The following MAGI1 variants were observed in gnomAD, a reference collection of about 807,000 sequenced individuals.
MAGI1 encodes membrane-associated guanylate kinase, WW and PDZ domain-containing protein 1.
MAGI1 carries 58 observed loss-of-function variants against 139.9 expected under a neutral mutation model. The ratio of observed to expected loss-of-function variants is 0.41; its 90% CI spans 0.34 to 0.52. MAGI1 has a LOEUF of 0.52. MAGI1 is among the 20% of genes least tolerant of loss of function. MAGI1 has a pLI of 0.12. For synonymous variants in MAGI1, 812 were observed against 737.9 expected (o/e 1.10, Z -1.63); for missense variants, 1,874 against 1,901.6 (o/e 0.99, Z 0.27).
chr3:65,590,510 C>T (rs1166647683), intron 2 of MAGI1, among the ~76,000 whole-genome samples: 1 of 152,142 alleles, frequency 6.6e-6, no homozygotes, highest in Non-Finnish European at 1.5e-5. Context: ...GCTATTAAAA[C>T]TTGTCCAAAT....
At chr3:65,931,304 A>T (rs1377051987) in intron 1 of MAGI1, among the ~76,000 whole-genome samples, 1 of 152,170 alleles carries the variant, frequency 6.6e-6, no homozygotes, top group Non-Finnish European at 1.5e-5. Context: ...AAGTGCTGAG[A>T]TTACAGGCAT....
rs559300602 is a variant in MAGI1, at chr3:65,759,312, G to A, written c.314-137224C>T. 7.2e-5 allele frequency among the ~76,000 whole-genome samples: 11 copies of A among 152,204 alleles called. No individual in the cohort carries two copies. In the South Asian group the frequency reaches 1.5e-3, roughly 20 times the overall value. On this transcript the variant is annotated intron_variant, in intron 1 of 22. Coordinates refer to ENST00000402939, the MANE Select transcript of MAGI1 (RefSeq NM_001033057.2). ...TATATTCATGGATGTCATTTAACCC[G>A]CCTAAGTGCCAGTCTCCTTATCTAT...
chr3:65,866,948 G>A (rs181613081), intron 1 of MAGI1, among the ~76,000 whole-genome samples: 4 of 152,302 alleles, frequency 2.6e-5, no homozygotes, highest in Non-Finnish European at 4.4e-5. Context: ...TCCCGGACAG[G>A]ATGTGAACTC....
intron 1 of MAGI1, among the ~76,000 whole-genome samples, chr3:66,032,914 C>CAAA (rs58736926): frequency 3.2e-4 from 35 of 110,120 alleles, no homozygotes; most frequent in East Asian, 7.6e-4. Flanking sequence ...AACTCCATCT[C>CAAA]AAAAAAAAAA....
At position 65,524,199 on chromosome 3, in the gene MAGI1, C is replaced by G. The variant is rs565519761; in HGVS notation, c.431-30568G>C. Among the ~76,000 whole-genome samples, 823 of 152,272 alleles carry G rather than the reference C, an allele frequency of 5.4e-3. 4 individuals carry two copies. The highest frequency in any genetic ancestry group is 8.8e-3 in the Non-Finnish European group (599 of 68,020). On this transcript the variant is annotated intron_variant, in intron 2 of 22. Transcript: ENST00000402939. ...CATTTTACTATGTACTCTCAAATCA[C>G]AAAGTTGGTGTACAATGGCAACAGG...
intron 1 of MAGI1, among the ~76,000 whole-genome samples, chr3:65,841,284 C>T (rs2058794222): frequency 6.6e-6 from 1 of 151,776 alleles, no homozygotes; most frequent in Non-Finnish European, 1.5e-5. Context: ...TCATTGATTT[C>T]TGTTACCTTT....
chr3:65,381,762 T>C lies in MAGI1; in HGVS notation c.2701+115A>G. On this transcript the variant is annotated intron_variant, in intron 16 of 22. Transcript: ENST00000402939. ...AGCCATCTGGAAATTCTGAGCTTGA[T>C]CACATTTGCAAACATTTGCTAAAAT... The C allele has an allele frequency of 3.1e-6, 3 of 958,342 alleles. No individual in the cohort carries two copies. The East Asian group carries it at 7.9e-5, about 25-fold the overall frequency. 59.4% of individuals were successfully genotyped at this position (958,342 alleles called of 1,614,324 possible).
chr3:66,023,438 C>T (rs2068066572), intron 1 of MAGI1, among the ~76,000 whole-genome samples: 1 of 152,174 alleles, frequency 6.6e-6, no homozygotes, highest in Non-Finnish European at 1.5e-5. Flanking sequence ...TCCCTTTCCT[C>T]ATCCTAGTGC....
At chr3:66,021,721 G>C (rs1305005441) in intron 1 of MAGI1, among the ~76,000 whole-genome samples, 2 of 152,124 alleles carry the variant, frequency 1.3e-5, no homozygotes, top group African/African-American at 4.8e-5. Flanking sequence ...CAAACACCCT[G>C]CCTGATTCTA....
chr3:65,428,621 G>A (rs1947243140), intron 12 of MAGI1, among the ~76,000 whole-genome samples: 1 of 152,134 alleles, frequency 6.6e-6, no homozygotes, highest in South Asian at 2.1e-4. Context: ...ATACCTAAAA[G>A]GAGTCAGGTG....
chr3:65,974,016 T>G lies in MAGI1; in HGVS notation c.313+63980A>C, dbSNP rs539367026. Among the ~76,000 whole-genome samples the G allele has an allele frequency of 4.0e-4, 61 of 152,242 alleles. 1 individual carries two copies. Among genetic ancestry groups the G allele is most frequent in the African/African-American group, 1.4e-3 (58 of 41,562 alleles). ...TAGTATACATCAAATATGGTTTAAA[T>G]GGATGTTGATTGTTCCTTTTTCAGA... On this transcript the variant is annotated intron_variant, in intron 1 of 22. Coordinates refer to ENST00000402939, the MANE Select transcript of MAGI1 (RefSeq NM_001033057.2).
At chr3:65,824,913 A>T (rs201020948) in intron 1 of MAGI1, among the ~76,000 whole-genome samples, 1 of 152,202 alleles carries the variant, frequency 6.6e-6, no homozygotes, top group East Asian at 1.9e-4. Context: ...AAATGTTGTA[A>T]GAGTACATGG....
At chr3:65,399,499 C>T (rs1466404390) in intron 13 of MAGI1, among the ~76,000 whole-genome samples, 1 of 152,160 alleles carries the variant, frequency 6.6e-6, no homozygotes, top group Non-Finnish European at 1.5e-5. Flanking sequence ...CTGTGAAAAC[C>T]CTCAACCCTG....
chr3:65,375,908 C>A lies in MAGI1; in HGVS notation c.3033G>T (p.Arg1011=), dbSNP rs761027431. 1.9e-6 allele frequency: 3 copies of A among 1,613,954 alleles called. No individual in the cohort carries two copies. The East Asian group carries it at 6.7e-5, about 36-fold the overall frequency. Residue 1011 remains arginine, a synonymous_variant, in exon 18 of 23, where the codon CGG becomes CGT. Transcript: ENST00000402939. The part of the protein sequence containing the change: ...ACVAMPHKIG[R]IIEGSPADRC... Reference sequence around the variant, plus strand: ...GGTCAGCAGGGCTCCCCTCAATAATCCGACCTATTTTGTGAGGCATAGCCA... The same window carrying A: ...GGTCAGCAGGGCTCCCCTCAATAATACGACCTATTTTGTGAGGCATAGCCA...
intron 1 of MAGI1, among the ~76,000 whole-genome samples, chr3:66,012,756 A>C: frequency 7.3e-6 from 1 of 137,248 alleles, no homozygotes; most frequent in Non-Finnish European, 1.6e-5. Context: ...ATAGGGTGAG[A>C]CTCCATCTCA....
At chr3:65,505,371 T>C (rs1157571946) in intron 2 of MAGI1, among the ~76,000 whole-genome samples, 3 of 140,278 alleles carry the variant, frequency 2.1e-5, no homozygotes, top group Non-Finnish European at 4.5e-5. Flanking sequence ...GTTTCTAATA[T>C]TCGGCAGCTT....
chr3:66,028,711 C>G (rs558286405), intron 1 of MAGI1, among the ~76,000 whole-genome samples: 1 of 152,084 alleles, frequency 6.6e-6, no homozygotes, highest in African/African-American at 2.4e-5. Flanking sequence ...AATTCCTCAC[C>G]GAGGACAATG....
intron 1 of MAGI1, among the ~76,000 whole-genome samples, chr3:65,810,525 G>A (rs576760382): frequency 4.5e-4 from 68 of 152,328 alleles, no homozygotes; most frequent in African/African-American, 1.6e-3. Context: ...AACAACAAAT[G>A]GAAAACGAAC....
chr3:65,823,144 T>C (rs921850209), intron 1 of MAGI1, among the ~76,000 whole-genome samples: 1 of 152,208 alleles, frequency 6.6e-6, no homozygotes, highest in African/African-American at 2.4e-5. Flanking sequence ...CCCTCTTAGA[T>C]GTAAATATTG....
Sources: allele counts gnomAD v4.1 joint callset (sites outside exome capture counted in the v4.1 genomes callset), GRCh38; gene constraint gnomAD v4.1.1; transcripts MANE v1.5; gene names NCBI Gene and HGNC (gene_info 2026-07-23, HGNC 2026-07-21).